The following SLC4A4 variants were observed in gnomAD, a reference collection of about 807,000 sequenced individuals.
SLC4A4 encodes the protein electrogenic sodium bicarbonate cotransporter 1.
A neutral mutation model predicts 111.5 loss-of-function variants in SLC4A4; 27 were observed. The observed-to-expected ratio is 0.24, with a 90% CI of 0.18 to 0.33. The LOEUF is 0.33. SLC4A4 is among the 10% of genes least tolerant of loss of function. SLC4A4 has a pLI of 1.00. For missense variants in SLC4A4, 909 were observed against 1,315.5 expected (o/e 0.69, Z 4.78); for synonymous variants, 443 against 463.4 (o/e 0.96, Z 0.57).
Position 71,316,911 on chromosome 4 carries a change from A to G in SLC4A4, c.254-22459A>G, listed in dbSNP as rs1000912103. ...ATTCTATGAATTTTTTTAAAGAGATAGAATCTTGCTGTATTTCTCAGGCTG... is the reference window on the plus strand; with the variant it reads ...ATTCTATGAATTTTTTTAAAGAGATGGAATCTTGCTGTATTTCTCAGGCTG... On this transcript the variant is annotated intron_variant, in intron 3 of 25. Transcript: ENST00000264485. Among the ~76,000 whole-genome samples, 83 of 152,042 alleles carry G rather than the reference A, an allele frequency of 5.5e-4. 5 individuals are homozygous for G. The highest frequency in any genetic ancestry group is 2.4e-5 in the African/African-American group (1 of 41,410).
chr4:71,123,708 A>G (rs1743491657), intron 2 of SLC4A4, among the ~76,000 whole-genome samples: 1 of 152,166 alleles, frequency 6.6e-6, no homozygotes, highest in African/African-American at 2.4e-5. Context: ...GTCGTGTCTT[A>G]TTTACTGCTC....
intron 12 of SLC4A4, among the ~76,000 whole-genome samples, chr4:71,456,575 G>A (rs1726289119): frequency 6.6e-6 from 1 of 152,192 alleles, no homozygotes; most frequent in East Asian, 1.9e-4. Flanking sequence ...TAAATTTGGT[G>A]CTAAGGCCCA....
chr4:71,137,827 C>G (rs1362714930), intron 2 of SLC4A4, among the ~76,000 whole-genome samples: 1 of 152,112 alleles, frequency 6.6e-6, no homozygotes, highest in Non-Finnish European at 1.5e-5. Context: ...TTGTTTTGCT[C>G]ACAAGTATAA....
intron 6 of SLC4A4, among the ~76,000 whole-genome samples, chr4:71,381,530 A>G (rs997208315): frequency 2.6e-5 from 4 of 152,146 alleles, no homozygotes; most frequent in African/African-American, 9.7e-5. Flanking sequence ...TTCTCCCTTT[A>G]GTGGCGATAA....
chr4:71,508,125 C>T (rs1190419424), intron 16 of SLC4A4, among the ~76,000 whole-genome samples: 1 of 151,936 alleles, frequency 6.6e-6, no homozygotes, highest in Non-Finnish European at 1.5e-5. Flanking sequence ...AAGCCCACAT[C>T]AAAAAGCTAG....
intron 6 of SLC4A4, among the ~76,000 whole-genome samples, chr4:71,366,106 A>AAC (rs1731275898): frequency 6.6e-6 from 1 of 152,178 alleles, no homozygotes; most frequent in Non-Finnish European, 1.5e-5. Context: ...ATTTCTAGGC[A>AAC]ACATGTTTCA....
chr4:71,440,847 A>G (rs1724649798), intron 8 of SLC4A4, 74 bp downstream of exon 8: 1 of 1,507,268 alleles, frequency 6.6e-7, no homozygotes, highest in Non-Finnish European at 9.2e-7. Flanking sequence ...TGGAGAATCA[A>G]TAGAATGAGG....
At chr4:71,236,677 C>A in intron 2 of SLC4A4, 28 bp downstream of exon 2, 1 of 1,562,590 alleles carries the variant, frequency 6.4e-7, no homozygotes, top group Non-Finnish European at 8.8e-7. Flanking sequence ...GGGAAAGTGT[C>A]TGTTGACATA....
At chr4:71,483,886 C>G (rs1471650005) in intron 14 of SLC4A4, among the ~76,000 whole-genome samples, 2 of 151,896 alleles carry the variant, frequency 1.3e-5, no homozygotes, top group Non-Finnish European at 2.9e-5. Flanking sequence ...TGAATAGTAT[C>G]TCACTGTGGT....
chr4:71,450,835 G>C (rs1468523202), intron 10 of SLC4A4, among the ~76,000 whole-genome samples: 1 of 152,198 alleles, frequency 6.6e-6, no homozygotes, highest in African/African-American at 2.4e-5. Flanking sequence ...GGGACCCCCT[G>C]TATATCTGGA....
At chr4:71,198,731 C>T (rs1746120356) in intron 1 of SLC4A4, among the ~76,000 whole-genome samples, 2 of 152,076 alleles carry the variant, frequency 1.3e-5, no homozygotes, top group Non-Finnish European at 1.5e-5. Context: ...GAGGCTGAGG[C>T]AGGAGGATTG....
At chr4:71,297,830 C>T (rs2016709) in intron 3 of SLC4A4, among the ~76,000 whole-genome samples, 4,953 of 152,072 alleles carry the variant, frequency 0.033, 288 homozygotes, top group African/African-American at 0.11. Flanking sequence ...ACAAGTGATC[C>T]GCCTGCCTCA....
intron 7 of SLC4A4, among the ~76,000 whole-genome samples, chr4:71,407,325 G>A (rs1248622368): frequency 1.3e-5 from 2 of 152,148 alleles, no homozygotes; most frequent in African/African-American, 4.8e-5. Context: ...GTTATGTGCT[G>A]ATACTCTGGA....
At chr4:71,485,954 C>G (rs1729357750) in intron 14 of SLC4A4, among the ~76,000 whole-genome samples, 1 of 151,458 alleles carries the variant, frequency 6.6e-6, no homozygotes, top group Admixed American at 6.6e-5. Context: ...GCTATCAAAA[C>G]CTGTGTGTTT....
At chr4:71,272,062 C>A (rs1722740623) in intron 3 of SLC4A4, among the ~76,000 whole-genome samples, 1 of 152,214 alleles carries the variant, frequency 6.6e-6, no homozygotes, top group Non-Finnish European at 1.5e-5. Flanking sequence ...TCTATTCATG[C>A]TGCCTATAAT....
chr4:71,531,947 A>G (rs1424459688), intron 16 of SLC4A4, 115 bp from the exon 17 acceptor site: 17 of 707,318 alleles, frequency 2.4e-5, no homozygotes, highest in Non-Finnish European at 3.8e-5. Context: ...CAATTTGTTG[A>G]TGAAGCTGTT....
intron 24 of SLC4A4, among the ~76,000 whole-genome samples, chr4:71,564,602 G>A (rs1441294287): frequency 2.0e-5 from 3 of 151,364 alleles, no homozygotes; most frequent in African/African-American, 4.9e-5. Flanking sequence ...ATAGCAGGTA[G>A]CAATTGCCAT....
chr4:71,136,950 AG>A (rs973254212), intron 2 of SLC4A4, among the ~76,000 whole-genome samples: 5 of 152,144 alleles, frequency 3.3e-5, no homozygotes, highest in Admixed American at 6.5e-5. Flanking sequence ...CCTAAATCCA[AG>A]GTCTATGCTC....
chr4:71,307,338 A>G (rs1041924943), intron 3 of SLC4A4, among the ~76,000 whole-genome samples: 1 of 152,196 alleles, frequency 6.6e-6, no homozygotes, highest in African/African-American at 2.4e-5. Context: ...TGAGACTCAG[A>G]CCTGGTAATC....
Sources: gnomAD v4.1 joint callset for allele counts (sites outside exome capture counted in the v4.1 genomes callset) on GRCh38, gnomAD v4.1.1 for gene constraint, MANE v1.5 for transcripts, NCBI Gene and HGNC (gene_info 2026-07-23, HGNC 2026-07-21) for gene names.